PHF8: variants seen among roughly 807,000 people sequenced by gnomAD.
PHF8 encodes the protein histone lysine demethylase PHF8.
Under a neutral mutation model 74.4 loss-of-function variants are expected in PHF8, and 9 were observed. The observed-to-expected ratio is 0.12, with a 90% confidence interval of 0.07 to 0.21. PHF8 has a LOEUF of 0.21. Ranked by LOEUF, PHF8 falls within the 10% of genes least tolerant of loss-of-function variation. The probability of loss-of-function intolerance (pLI) is 1.00; values close to 1 mark genes in which losing one functional copy is unlikely to be tolerated. For synonymous variants in PHF8, 311 were observed against 316.6 expected (o/e 0.98, Z 0.19); for missense variants, 478 against 816.6 (o/e 0.59, Z 5.05).
chrX:53,993,725 A>C lies in PHF8; in HGVS notation c.1502T>G (p.Phe501Cys). The C allele has an allele frequency of 8.3e-7, 1 of 1,211,439 alleles. No homozygotes were observed. The highest frequency in any genetic ancestry group is 1.7e-5 in the African/African-American group (1 of 57,895). The change falls in exon 13 of 22, where the codon TTC (phenylalanine) becomes TGC (cysteine). Residue 501 changes from phenylalanine (F) to cysteine (C), a missense_variant. Coordinates refer to ENST00000338154, the MANE Select transcript of PHF8 (RefSeq NM_015107.3). The part of the protein sequence containing the change: ...KKKGLKPKEL[F>C]KKAERKGKES... Reference sequence around the variant, plus strand: ...CTTGCCCTTTCGCTCTGCCTTCTTGAAGAGTTCCTTGGGCTTCAGGCCTTT... The same window carrying C: ...CTTGCCCTTTCGCTCTGCCTTCTTGCAGAGTTCCTTGGGCTTCAGGCCTTT...
chrX:54,024,933 G>A (rs904496630), intron 2 of PHF8, among the ~76,000 whole-genome samples: 34 of 110,949 alleles, frequency 3.1e-4, no homozygotes, highest in African/African-American at 1.1e-3. Flanking sequence ...CTGGAGTGCA[G>A]TGGCACGATC....
intron 18 of PHF8, among the ~76,000 whole-genome samples, chrX:53,982,811 A>G (rs782094246): frequency 1.2e-4 from 13 of 112,790 alleles, no homozygotes; most frequent in Non-Finnish European, 2.1e-4. Context: ...CCAGATAAAG[A>G]GCTAAAATTT....
Position 53,985,885 on chromosome X carries a change from C to G in PHF8, c.2060G>C (p.Gly687Ala), listed in dbSNP as rs782329330. Residue 687 changes from glycine to alanine, a missense_variant, in exon 17 of 22, where the codon GGC (glycine) becomes GCC (alanine). By Grantham distance (60) the Gly-to-Ala change is moderately conservative. Coordinates refer to ENST00000338154, the MANE Select transcript of PHF8 (RefSeq NM_015107.3). Reference sequence around the variant, plus strand: ...GAGCAGATCAAGAATGCCACCAGCGCCACTACCATTCCCAAGCTTGCCTTC... The same window carrying G: ...GAGCAGATCAAGAATGCCACCAGCGGCACTACCATTCCCAAGCTTGCCTTC... ...GVEGKLGNGS[G>A]AGGILDLLKA... 7.4e-6 allele frequency: 9 copies of G among 1,208,702 alleles called. No individual in the cohort carries two copies. The highest frequency in any genetic ancestry group is 1.0e-5 in the Non-Finnish European group (9 of 892,967).
intron 18 of PHF8, among the ~76,000 whole-genome samples, chrX:53,966,383 C>T (rs1360345207): frequency 8.9e-6 from 1 of 112,583 alleles, no homozygotes; most frequent in African/African-American, 3.2e-5. Flanking sequence ...AGGCGCGTGC[C>T]GCCACGCCTG....
At chrX:53,977,329 G>C (rs2065395904) in intron 18 of PHF8, among the ~76,000 whole-genome samples, 1 of 111,030 alleles carries the variant, frequency 9.0e-6, no homozygotes, top group Admixed American at 9.5e-5. Context: ...AGCAAGACTG[G>C]CTCAAAAAAA....
chrX:54,006,764 C>T (rs2065902874), intron 8 of PHF8, among the ~76,000 whole-genome samples: 1 of 109,400 alleles, frequency 9.1e-6, no homozygotes, highest in Non-Finnish European at 1.9e-5. Flanking sequence ...GGTGAAACCC[C>T]GTCTCTACTG....
At position 54,022,288 on chromosome X, in the gene PHF8, G is replaced by A. The variant is rs782381976; in HGVS notation, c.264C>T (p.Val88=). 5 of 1,196,782 alleles carry A rather than the reference G, an allele frequency of 4.2e-6. No individual in the cohort carries two copies. Among genetic ancestry groups the A allele is most frequent in the Non-Finnish European group, 4.5e-6 (4 of 883,115 alleles). The change falls in exon 4 of 22, where the codon GTC becomes GTT. Residue 88 remains valine, a synonymous_variant. Coordinates refer to ENST00000338154, the MANE Select transcript of PHF8 (RefSeq NM_015107.3). ...KPVKTGSPTF[V]RELRSRTFDS... ...CAAAAGTCCTACTCCGGAGCTCTCT[G>A]ACGAACGTAGGGCTCCCGGTCTTCA...
intron 19 of PHF8, among the ~76,000 whole-genome samples, chrX:53,951,512 G>A (rs2064923048): frequency 9.0e-6 from 1 of 110,551 alleles, no homozygotes; most frequent in Non-Finnish European, 1.9e-5. Flanking sequence ...GTGCAGTGGT[G>A]CAATCTCGGC....
At chrX:54,035,680 GCA>G (rs2066441180) in intron 2 of PHF8, among the ~76,000 whole-genome samples, 1 of 110,977 alleles carries the variant, frequency 9.0e-6, no homozygotes, top group Non-Finnish European at 1.9e-5. Context: ...GCACATGCTT[GCA>G]GTTTCAGCTA....
In PHF8 at chrX:53,936,994, G is replaced by A. The variant is rs2064679024; in HGVS notation, c.*2164C>T. On this transcript the variant is annotated 3_prime_UTR_variant, in exon 22 of 22. Coordinates refer to ENST00000338154, the MANE Select transcript of PHF8 (RefSeq NM_015107.3). ...CTGTCCAGCCCCCAGCTAGGGACTGGAGATCAGGGGTAACTATCTCATGGT... is the reference window on the plus strand; with the variant it reads ...CTGTCCAGCCCCCAGCTAGGGACTGAAGATCAGGGGTAACTATCTCATGGT... The A allele has an allele frequency of 9.0e-6, 1 of 110,788 alleles. No homozygotes were observed. The highest frequency in any genetic ancestry group is 1.9e-5 in the Non-Finnish European group (1 of 52,864). The allele number at this position is 110,788 out of a possible 1,213,427, so 9.1% of individuals were successfully genotyped here. A position where few individuals can be genotyped will look rare whatever the true frequency, so the allele number is the denominator to read the frequency against.
At chrX:54,006,616 A>G (rs1392219970) in intron 8 of PHF8, among the ~76,000 whole-genome samples, 4 of 112,019 alleles carry the variant, frequency 3.6e-5, no homozygotes, top group African/African-American at 9.7e-5. Context: ...CCTATATGAA[A>G]GCTGAACCAA....
In PHF8 at chrX:53,944,256, C is replaced by T; in HGVS notation, c.2540-13G>A. ...GGGGTCACGCGGGCTGCAAGGGAAA[C>T]AGGATGAGAAGGTGTCACTAAGACA... On this transcript the variant is annotated splice_polypyrimidine_tract_variant and intron_variant, in intron 19 of 21. Transcript: ENST00000338154. 8.7e-7 allele frequency: 1 copy of T among 1,155,746 alleles called. No homozygotes were observed. The highest frequency in any genetic ancestry group is 1.2e-6 in the Non-Finnish European group (1 of 845,203).
chrX:53,966,717 T>G (rs2065194326), intron 18 of PHF8, among the ~76,000 whole-genome samples: 1 of 109,502 alleles, frequency 9.1e-6, no homozygotes, highest in African/African-American at 3.3e-5. Context: ...GAGGAGCCCC[T>G]CTGCCTGGCT....
chrX:54,034,617 G>A (rs1173691694), intron 2 of PHF8, among the ~76,000 whole-genome samples: 6 of 110,291 alleles, frequency 5.4e-5, no homozygotes, highest in Non-Finnish European at 7.6e-5. Flanking sequence ...GAGGTCAGGA[G>A]TTCAAGACCA....
At chrX:54,008,730 A>T (rs2065934821) in intron 8 of PHF8, among the ~76,000 whole-genome samples, 1 of 111,719 alleles carries the variant, frequency 9.0e-6, no homozygotes, top group Admixed American at 9.6e-5. Flanking sequence ...AAGAAGCTAG[A>T]CACAAAAGAC....
At chrX:54,048,494 C>T (rs782167616), upstream of PHF8, among the ~76,000 whole-genome samples, 1 of 111,713 alleles carries the variant, frequency 9.0e-6, no homozygotes, top group African/African-American at 3.2e-5. Flanking sequence ...ACAGTGGTTC[C>T]TACCCCGACT....
intron 18 of PHF8, among the ~76,000 whole-genome samples, chrX:53,977,582 G>A (rs1302764570): frequency 2.7e-5 from 3 of 110,700 alleles, no homozygotes; most frequent in Non-Finnish European, 3.8e-5. Flanking sequence ...AGTATGTAGA[G>A]CAACTGGAAT....
chrX:54,040,230 G>A (rs1162040504), intron 2 of PHF8, among the ~76,000 whole-genome samples: 1 of 112,009 alleles, frequency 8.9e-6, no homozygotes, highest in Non-Finnish European at 1.9e-5. Context: ...TGTTTCCAGA[G>A]TGAGGAGTTA....
intron 19 of PHF8, among the ~76,000 whole-genome samples, chrX:53,948,642 A>C (rs965979022): frequency 1.8e-5 from 2 of 112,235 alleles, no homozygotes; most frequent in East Asian, 5.5e-4. Flanking sequence ...AGAGGAATCA[A>C]GCAACTATAG....
Sources: allele counts gnomAD v4.1 joint callset (sites outside exome capture counted in the v4.1 genomes callset), GRCh38; gene constraint gnomAD v4.1.1; transcripts MANE v1.5; gene names NCBI Gene and HGNC (gene_info 2026-07-23, HGNC 2026-07-21).